Variants in CLPB observed in about 807,000 individuals in gnomAD.
CLPB encodes the protein mitochondrial disaggregase.
A neutral mutation model predicts 78.4 loss-of-function variants in CLPB; 40 were observed. That is an observed-to-expected ratio of 0.51 (90% CI 0.40 to 0.66). The LOEUF (loss-of-function observed/expected upper bound fraction) is 0.66, where lower values mean the gene tolerates loss of function less well. Ranked by LOEUF, CLPB falls within the 30% of genes least tolerant of loss-of-function variation. CLPB has a pLI of 0.00. For missense variants in CLPB, 780 were observed against 886.9 expected (o/e 0.88, Z 1.53); for synonymous variants, 333 against 348.0 (o/e 0.96, Z 0.48).
intron 2 of CLPB, among the ~76,000 whole-genome samples, chr11:72,425,472 C>A (rs1856347440): frequency 6.6e-6 from 1 of 152,176 alleles, no homozygotes; most frequent in South Asian, 2.1e-4. Context: ...TTCCTTGTTT[C>A]ACTGGCTCTC....
At chr11:72,340,038 C>T (rs1485047934) in intron 5 of CLPB, among the ~76,000 whole-genome samples, 1 of 152,194 alleles carries the variant, frequency 6.6e-6, no homozygotes, top group Non-Finnish European at 1.5e-5. Flanking sequence ...GATTGTCTTA[C>T]AAGTGGCTGT....
intron 5 of CLPB, among the ~76,000 whole-genome samples, chr11:72,333,700 G>A (rs1026695070): frequency 6.6e-6 from 1 of 152,160 alleles, no homozygotes; most frequent in African/African-American, 2.4e-5. Flanking sequence ...CGGCACTGGG[G>A]GGCTCAGGAA....
chr11:72,354,165 A>G (rs74766959), intron 5 of CLPB: 13,848 of 368,078 alleles, frequency 0.038, 414 homozygotes, highest in East Asian at 0.13. Flanking sequence ...CCTGACTCCA[A>G]TATTCATGCT....
rs61264751 is a variant in CLPB, at chr11:72,376,561, T to TA, written c.646+3719dup. 6.5e-3 allele frequency among the ~76,000 whole-genome samples: 854 copies of TA among 130,636 alleles called. 5 individuals carry two copies. The highest frequency in any genetic ancestry group is 0.017 in the African/African-American group (616 of 35,572). 85.7% of individuals were successfully genotyped at this position (130,636 alleles called of 152,430 possible). A position where few individuals can be genotyped will look rare whatever the true frequency, so the allele number is the denominator to read the frequency against. Reference sequence around the variant, plus strand: ...CAGACAAAGGTAGTCTAGAATTATTTAAAAAAAAAAAAAAAAAGGTAGAGA... The same window carrying TA: ...CAGACAAAGGTAGTCTAGAATTATTTAAAAAAAAAAAAAAAAAAGGTAGAGA... On this transcript the variant is annotated intron_variant, in intron 4 of 15. Transcript: ENST00000538039.
intron 2 of CLPB, among the ~76,000 whole-genome samples, chr11:72,423,812 T>G (rs1856280390): frequency 6.6e-6 from 1 of 152,212 alleles, no homozygotes; most frequent in Admixed American, 6.5e-5. Flanking sequence ...CCAACCTCAT[T>G]TGACACCACT....
At chr11:72,295,276 C>T (rs1949529925) in intron 12 of CLPB, among the ~76,000 whole-genome samples, 1 of 152,210 alleles carries the variant, frequency 6.6e-6, no homozygotes, top group Non-Finnish European at 1.5e-5. Flanking sequence ...CTCTTATCAC[C>T]CAACAGACTT....
chr11:72,372,599 C>T (rs1401532487), intron 4 of CLPB, among the ~76,000 whole-genome samples: 1 of 152,102 alleles, frequency 6.6e-6, no homozygotes, highest in Admixed American at 6.5e-5. Context: ...ATCATGCTTC[C>T]CAAAGGGTAG....
chr11:72,408,967 T>C (rs2135104098), intron 2 of CLPB, among the ~76,000 whole-genome samples: 1 of 152,336 alleles, frequency 6.6e-6, no homozygotes, highest in East Asian at 1.9e-4. Context: ...TTTTCACCAA[T>C]GGGCAAAATG....
chr11:72,397,217 G>C (rs1229380871), intron 3 of CLPB, among the ~76,000 whole-genome samples: 1 of 152,122 alleles, frequency 6.6e-6, no homozygotes, highest in African/African-American at 2.4e-5. Context: ...TGTTGTCATT[G>C]TTTGTTTGGC....
chr11:72,324,056 G>A (rs572236413), intron 6 of CLPB, among the ~76,000 whole-genome samples: 81 of 152,138 alleles, frequency 5.3e-4, no homozygotes, highest in African/African-American at 1.8e-3. Context: ...GGAATTAATT[G>A]TACTATCTCT....
In CLPB at chr11:72,294,630, G is replaced by A; in HGVS notation, c.1550C>T (p.Pro517Leu). ...SKNFKENVIR[P>L]ILKAHFRRDE... ...AGAAAGACCTCTTACTTTCAGGATA[G>A]GGCGAATCACATTCTCCTTGAAGTT... The change falls in exon 13 of 16, where the codon CCT (proline) becomes CTT (leucine). Residue 517 changes from proline to leucine, a missense_variant. Pro to Leu is a moderately conservative substitution (Grantham distance 98, BLOSUM62 -3). This residue lies in a region of CLPB where 272 missense variants were observed against 304.0 expected (regional missense o/e 0.89). Transcript: ENST00000538039. The A allele has an allele frequency of 6.2e-7, 1 of 1,613,990 alleles. No individual in the cohort carries two copies. The highest frequency in any genetic ancestry group is 2.2e-5 in the East Asian group (1 of 44,888).
At chr11:72,371,438 G>A (rs1188415901) in intron 4 of CLPB, among the ~76,000 whole-genome samples, 1 of 151,698 alleles carries the variant, frequency 6.6e-6, no homozygotes, top group Non-Finnish European at 1.5e-5. Flanking sequence ...CTGAGGCATA[G>A]GAATTGCTTG....
At chr11:72,352,281 T>G (rs1037658221) in intron 5 of CLPB, among the ~76,000 whole-genome samples, 15 of 152,326 alleles carry the variant, frequency 9.8e-5, no homozygotes, top group African/African-American at 3.6e-4. Context: ...ATTTTAACTA[T>G]CTTTCACATT....
At chr11:72,321,289 A>C (rs1318904702) in intron 6 of CLPB, among the ~76,000 whole-genome samples, 1 of 152,192 alleles carries the variant, frequency 6.6e-6, no homozygotes, top group Non-Finnish European at 1.5e-5. Flanking sequence ...CACTGAGCTG[A>C]GAGGCACCGT....
Position 72,301,974 on chromosome 11 carries a change from G to A in CLPB, c.1168-10C>T. On this transcript the variant is annotated splice_polypyrimidine_tract_variant and intron_variant, in intron 10 of 15. Coordinates refer to ENST00000538039, the MANE Select transcript of CLPB (RefSeq NM_001258392.3). ...CAATAAACTTGGCCACCTGGTAGAA[G>A]GAAGGAAACATGCTAGGAAGGCCTT... 6.2e-7 allele frequency: 1 copy of A among 1,613,150 alleles called. No homozygotes were observed. The highest frequency in any genetic ancestry group is 1.3e-5 in the African/African-American group (1 of 75,012).
intron 2 of CLPB, among the ~76,000 whole-genome samples, chr11:72,416,735 C>CAAAAAAAAA (rs35655496): frequency 5.9e-5 from 3 of 50,628 alleles, no homozygotes; most frequent in African/African-American, 1.1e-4. Context: ...GACTCCGTCT[C>CAAAAAAAAA]AAAAAAAAAA....
chr11:72,306,088 C>A (rs1337316689), intron 9 of CLPB, among the ~76,000 whole-genome samples: 1 of 152,242 alleles, frequency 6.6e-6, no homozygotes, highest in Non-Finnish European at 1.5e-5. Flanking sequence ...AGCGCATTAG[C>A]ATGCTATGCG....
rs1172821690 is a variant in CLPB at position 72,290,928 on chromosome 11, G to C, written c.*2439C>G. On this transcript the variant is annotated 3_prime_UTR_variant, in exon 16 of 16. Coordinates refer to ENST00000538039, the MANE Select transcript of CLPB (RefSeq NM_001258392.3). The stretch of plus-strand genomic sequence containing the variant: ...CCACTGCACTCCATCCTGGGTGACA[G>C]AGCGGGACTCCGTCTCAAAAAAAAA... The C allele has an allele frequency of 6.7e-6, 1 of 148,168 alleles. No homozygotes were observed. Among genetic ancestry groups the C allele is most frequent in the African/African-American group, 2.5e-5 (1 of 39,778 alleles). 9.2% of individuals were successfully genotyped at this position (148,168 alleles called of 1,614,324 possible).
At chr11:72,296,442 G>GCAAA (rs765534155) in intron 11 of CLPB, among the ~76,000 whole-genome samples, 2 of 152,206 alleles carry the variant, frequency 1.3e-5, no homozygotes, top group African/African-American at 2.4e-5. Context: ...GAGAAAAGGA[G>GCAAA]CAAACAGTAT....
Sources: allele counts gnomAD v4.1 joint callset (sites outside exome capture counted in the v4.1 genomes callset), GRCh38; gene constraint gnomAD v4.1.1; regional missense constraint gnomAD v4.1.1; transcripts MANE v1.5; gene names NCBI Gene and HGNC (gene_info 2026-07-23, HGNC 2026-07-21).